The following RIF1 variants were observed in gnomAD, a reference collection of about 807,000 sequenced individuals.
RIF1 encodes the protein telomere-associated protein RIF1.
Under a neutral mutation model 247.1 loss-of-function variants are expected in RIF1, and 45 were observed. That is an observed-to-expected ratio of 0.18 (90% CI 0.14 to 0.23). RIF1 has a LOEUF of 0.23. Among genes scored for constraint, RIF1 ranks in the 10% least tolerant of loss-of-function variants. RIF1 has a pLI of 1.00. For synonymous variants in RIF1, 1,087 were observed against 978.8 expected (o/e 1.11, Z -2.06); for missense variants, 2,967 against 2,862.5 (o/e 1.04, Z -0.83).
At chr2:151,435,402 G>A (rs1022677690) in intron 10 of RIF1, 61 bp from the exon 11 acceptor site, 4 of 915,480 alleles carry the variant, frequency 4.4e-6, no homozygotes, top group Admixed American at 3.8e-5. Flanking sequence ...TATTATGTGA[G>A]GCTTTTAAAA....
At position 151,457,851 on chromosome 2, in the gene RIF1, C is replaced by T; in HGVS notation, c.2743C>T (p.Leu915=). Residue 915 remains leucine (L), a synonymous_variant, in exon 24 of 36, where the codon CTA becomes TTA. Transcript: ENST00000444746. ...DSELLEQLSP[L]LCIIFLHKNK... The stretch of plus-strand genomic sequence containing the variant: ...TGAACTTCTTGAACAACTCTCCCCA[C>T]TATTATGCATAATATTTCTGCACAA... The T allele has an allele frequency of 6.2e-7, 1 of 1,613,514 alleles. No homozygotes were observed. Among genetic ancestry groups the T allele is most frequent in the South Asian group, 1.1e-5 (1 of 91,058 alleles).
intron 3 of RIF1, among the ~76,000 whole-genome samples, chr2:151,413,268 G>A (rs1686606881): frequency 6.6e-6 from 1 of 151,938 alleles, no homozygotes; most frequent in Non-Finnish European, 1.5e-5. Context: ...GCCGACCTCA[G>A]GTGATCCGCC....
rs1461715066 is a variant in RIF1, at chr2:151,460,080, A to G, written c.3036A>G (p.Gln1012=). 1.5e-5 allele frequency: 23 copies of G among 1,574,534 alleles called. No homozygotes were observed. The highest frequency in any genetic ancestry group is 1.9e-5 in the Non-Finnish European group (22 of 1,156,336). ...SNGKRDSFLA[Q]TKNKKENMKP... Reference sequence around the variant, plus strand: ...GAAAAAGAGATTCATTTTTGGCACAAACAAAGAATAAAAAAGAAAATATGA... The same window carrying G: ...GAAAAAGAGATTCATTTTTGGCACAGACAAAGAATAAAAAAGAAAATATGA... The change falls in exon 26 of 36, where the codon CAA becomes CAG. Residue 1012 remains glutamine (Q), a synonymous_variant. Transcript: ENST00000444746.
At chr2:151,490,615 C>T in intron 9 of RIF1, 2 of 1,439,084 alleles carry the variant, frequency 1.4e-6, no homozygotes, top group Non-Finnish European at 9.5e-7. Flanking sequence ...TTATCTTTGC[C>T]AAGCATGGTT....
rs192825927 is a variant in RIF1 at position 151,479,271 on chromosome 2, A to G, written c.*4200A>G. Reference sequence around the variant, plus strand: ...AAGTTCAAAAATTATAAGAAAGTTAAGAATTTTGCTTAAGAGCCTTTTAAA... The same window carrying G: ...AAGTTCAAAAATTATAAGAAAGTTAGGAATTTTGCTTAAGAGCCTTTTAAA... On this transcript the variant is annotated 3_prime_UTR_variant, in exon 36 of 36. Coordinates refer to ENST00000444746, the MANE Select transcript of RIF1 (RefSeq NM_018151.5). 6.6e-6 allele frequency: 1 copy of G among 152,366 alleles called. No individual in the cohort carries two copies. Among genetic ancestry groups the G allele is most frequent in the East Asian group, 1.9e-4 (1 of 5,194 alleles). The allele number at this position is 152,366 out of a possible 1,614,324, so 9.4% of individuals were successfully genotyped here.
At chr2:151,472,357 T>G (rs1220876071) in intron 34 of RIF1, among the ~76,000 whole-genome samples, 1 of 152,198 alleles carries the variant, frequency 6.6e-6, no homozygotes, top group African/African-American at 2.4e-5. Context: ...GTGAATACCC[T>G]TTATTTCTTT....
chr2:151,443,532 C>T lies in RIF1; in HGVS notation c.1809C>T (p.Phe603=), dbSNP rs766258911. 45 of 1,563,144 alleles carry T rather than the reference C, an allele frequency of 2.9e-5. No individual in the cohort carries two copies. The highest frequency in any genetic ancestry group is 1.4e-5 in the African/African-American group (1 of 72,180). The change falls in exon 18 of 36, where the codon TTC becomes TTT. Residue 603 remains phenylalanine (F), a synonymous_variant. Coordinates refer to ENST00000444746, the MANE Select transcript of RIF1 (RefSeq NM_018151.5). ...TTTTTTATAATTTTTTGTTCAGGTT[C>T]TTTCTCAGTTTGGAATCACTTGTAG... ...FLECGVSDER[F]FLSLESLVGC...
chr2:151,493,255 AGT>A (rs1449908882), intron 9 of RIF1: 17 of 926,202 alleles, frequency 1.8e-5, no homozygotes, highest in African/African-American at 6.7e-5. Context: ...TTAAAATTTT[AGT>A]GTGTTTTTCA....
Position 151,476,537 on chromosome 2 carries a change from C to T in RIF1, c.*1466C>T, listed in dbSNP as rs767801494. On this transcript the variant is annotated 3_prime_UTR_variant, in exon 36 of 36. Transcript: ENST00000444746. Reference sequence around the variant, plus strand: ...AGTCATAGAAAGTTTAATCCTTGTGCCTCCTTAGCTCTCGTATATTCAGGG... The same window carrying T: ...AGTCATAGAAAGTTTAATCCTTGTGTCTCCTTAGCTCTCGTATATTCAGGG... 9 of 152,082 alleles carry T rather than the reference C, an allele frequency of 5.9e-5. No individual in the cohort carries two copies. Among genetic ancestry groups the T allele is most frequent in the Non-Finnish European group, 1.3e-4 (9 of 68,002 alleles). 9.4% of individuals were successfully genotyped at this position (152,082 alleles called of 1,614,324 possible). A position where few individuals can be genotyped will look rare whatever the true frequency, so the allele number is the denominator to read the frequency against.
chr2:151,434,183 G>A (rs1355668980), intron 10 of RIF1, among the ~76,000 whole-genome samples: 5 of 136,344 alleles, frequency 3.7e-5, no homozygotes, highest in Admixed American at 1.5e-4. Context: ...AAAAAAAAAA[G>A]AGAGAAATCA....
chr2:151,455,480 A>G (rs900854111), intron 22 of RIF1, among the ~76,000 whole-genome samples: 10 of 152,126 alleles, frequency 6.6e-5, no homozygotes, highest in African/African-American at 2.4e-4. Context: ...TTTGCAATTA[A>G]TTATATGGTA....
the RIF1 span, chr2:151,526,232 T>G: frequency 1.2e-5 from 19 of 1,613,100 alleles, no homozygotes; most frequent in Admixed American, 3.0e-4. Flanking sequence ...CAGGTTCCTC[T>G]TTCCTTGACA....
intron 19 of RIF1, 86 bp from the exon 20 acceptor site, chr2:151,446,340 A>G (rs545440285): frequency 1.7e-5 from 21 of 1,232,844 alleles, no homozygotes; most frequent in Non-Finnish European, 2.1e-5. Flanking sequence ...CAGTGTTTTT[A>G]AAAAATGTTA....
downstream of RIF1, chr2:151,482,211 T>TTTTGTTGTTTTC (rs2049199371): frequency 6.6e-6 from 1 of 152,256 alleles, no homozygotes; most frequent in South Asian, 2.1e-4. Flanking sequence ...TTTGGTTTTT[T>TTTTGTTGTTTTC]GTTTTGTTGT....
At position 151,460,068 on chromosome 2, in the gene RIF1, A is replaced by G. The variant is rs1396584418; in HGVS notation, c.3024A>G (p.Ser1008=). 2 of 1,576,054 alleles carry G rather than the reference A, an allele frequency of 1.3e-6. No homozygotes were observed. Among genetic ancestry groups the G allele is most frequent in the Non-Finnish European group, 1.7e-6 (2 of 1,156,042 alleles). Residue 1008 remains serine, a synonymous_variant, in exon 26 of 36, where the codon TCA becomes TCG. Coordinates refer to ENST00000444746, the MANE Select transcript of RIF1 (RefSeq NM_018151.5). ...MERKSNGKRD[S]FLAQTKNKKE... is the part of the protein sequence containing the mutation. ...GAAAATCAAATGGAAAAAGAGATTC[A>G]TTTTTGGCACAAACAAAGAATAAAA... is the stretch of plus-strand genomic sequence containing the variant.
intron 12 of RIF1, chr2:151,506,134 A>C (rs748634452): frequency 1.3e-6 from 2 of 1,541,178 alleles, no homozygotes; most frequent in Admixed American, 3.3e-5. Flanking sequence ...GGGAGGCAGA[A>C]AATATTGCAA....
chr2:151,465,342 C>T lies in RIF1; in HGVS notation c.5822C>T (p.Ala1941Val), dbSNP rs201414455. The change falls in exon 30 of 36, where the codon GCA (alanine) becomes GTA (valine). Residue 1941 changes from alanine to valine, a missense_variant. Coordinates refer to ENST00000444746, the MANE Select transcript of RIF1 (RefSeq NM_018151.5). ...ACCAAAACTGGTATTTCTGAAGAAGCAGCAATAGAAGAAAATAAAAGAAAT... is the reference window on the plus strand; with the variant it reads ...ACCAAAACTGGTATTTCTGAAGAAGTAGCAATAGAAGAAAATAAAAGAAAT... ...ERTKTGISEEAAIEENKRNDD... is the reference protein window; with the variant it reads ...ERTKTGISEEVAIEENKRNDD... 290 of 1,613,764 alleles carry T rather than the reference C, an allele frequency of 1.8e-4. 1 individual carries two copies. Among genetic ancestry groups the T allele is most frequent in the Non-Finnish European group, 1.2e-5 (14 of 1,179,934 alleles).
chr2:151,519,080 T>C, the RIF1 span: 7 of 1,556,426 alleles, frequency 4.5e-6, no homozygotes, highest in East Asian at 4.5e-5. Flanking sequence ...CTGTGTGTTA[T>C]GGGGGAAGAA....
chr2:151,498,742 G>A (rs541055839), intron 10 of RIF1, among the ~76,000 whole-genome samples: 32 of 152,136 alleles, frequency 2.1e-4, no homozygotes, highest in Admixed American at 3.9e-4. Flanking sequence ...GGATATTTGG[G>A]TTTTACAAAC....
Sources: allele counts gnomAD v4.1 joint callset (sites outside exome capture counted in the v4.1 genomes callset), GRCh38; gene constraint gnomAD v4.1.1; transcripts MANE v1.5; gene names NCBI Gene and HGNC (gene_info 2026-07-23, HGNC 2026-07-21).